Variants in BANK1 observed in about 807,000 individuals in gnomAD.
The protein encoded by BANK1 is B-cell scaffold protein with ankyrin repeats.
Under a neutral mutation model 94.5 loss-of-function variants are expected in BANK1, and 95 were observed. That is an observed-to-expected ratio of 1.00 (90% CI 0.85 to 1.19). The LOEUF (loss-of-function observed/expected upper bound fraction) is 1.19, where lower values mean the gene tolerates loss of function less well. BANK1 is among the 50% of genes most tolerant of loss of function. BANK1 has a pLI of 0.00. For synonymous variants in BANK1, 334 were observed against 308.4 expected, an observed-to-expected ratio of 1.08 and a Z score of -0.87; for missense variants, 987 against 932.2, an observed-to-expected ratio of 1.06 and a Z score of -0.77.
chr4:102,037,949 T>C (rs1376373787), intron 10 of BANK1, among the ~76,000 whole-genome samples: 1 of 152,166 alleles, frequency 6.6e-6, no homozygotes, highest in Non-Finnish European at 1.5e-5. Context: ...ACACATCACC[T>C]TGCATGACTT....
chr4:101,967,509 T>C (rs1258135301), intron 7 of BANK1, among the ~76,000 whole-genome samples: 2 of 151,990 alleles, frequency 1.3e-5, no homozygotes, highest in Non-Finnish European at 2.9e-5. Context: ...GTGGAATAGG[T>C]ATTTAGAGAA....
chr4:102,023,251 T>A (rs763862761), intron 8 of BANK1, among the ~76,000 whole-genome samples: 9 of 152,174 alleles, frequency 5.9e-5, no homozygotes, highest in Admixed American at 5.9e-4. Context: ...CTAGCATACT[T>A]TGGCAAAATT....
At chr4:102,060,792 A>G (rs1728393238) in intron 12 of BANK1, among the ~76,000 whole-genome samples, 1 of 152,196 alleles carries the variant, frequency 6.6e-6, no homozygotes, top group Non-Finnish European at 1.5e-5. Context: ...AAAATGCAAT[A>G]AGTATTTATC....
At chr4:101,792,132 G>A (rs983534549) in intron 1 of BANK1, among the ~76,000 whole-genome samples, 1 of 152,126 alleles carries the variant, frequency 6.6e-6, no homozygotes, top group African/African-American at 2.4e-5. Context: ...GGCAGAAAAT[G>A]CCTTTTATTT....
chr4:101,994,001 G>A (rs1020867548), intron 7 of BANK1, among the ~76,000 whole-genome samples: 2 of 152,220 alleles, frequency 1.3e-5, no homozygotes, highest in African/African-American at 2.4e-5. Context: ...GACCCTGTCA[G>A]TACTGCTAAT....
intron 1 of BANK1, among the ~76,000 whole-genome samples, chr4:101,791,846 A>T (rs1161500266): frequency 6.6e-6 from 1 of 152,148 alleles, no homozygotes; most frequent in Non-Finnish European, 1.5e-5. Flanking sequence ...GATTGCTTTC[A>T]GTTAAATAAG....
At chr4:101,816,766 A>T (rs1487034651) in intron 1 of BANK1, among the ~76,000 whole-genome samples, 4 of 152,136 alleles carry the variant, frequency 2.6e-5, no homozygotes, top group African/African-American at 9.7e-5. Flanking sequence ...TCTTACAACC[A>T]AATTATAATT....
chr4:101,885,859 G>C (rs1054834755), intron 5 of BANK1, among the ~76,000 whole-genome samples: 3 of 152,168 alleles, frequency 2.0e-5, no homozygotes, highest in African/African-American at 7.2e-5. Context: ...TACACACCTA[G>C]GCCTAGTATA....
intron 2 of BANK1, among the ~76,000 whole-genome samples, chr4:101,844,301 A>C (rs1404132284): frequency 6.6e-6 from 1 of 152,200 alleles, no homozygotes; most frequent in East Asian, 1.9e-4. Context: ...AATGTTGTAA[A>C]GTAATTAGAG....
chr4:101,820,328 A>G (rs886783567), intron 1 of BANK1, among the ~76,000 whole-genome samples: 3 of 152,094 alleles, frequency 2.0e-5, no homozygotes, highest in Admixed American at 2.0e-4. Context: ...TTTTTTGTGG[A>G]ATTTTCTCCC....
chr4:101,929,156 A>T (rs57567278), intron 7 of BANK1, among the ~76,000 whole-genome samples: 118 of 148,076 alleles, frequency 8.0e-4, no homozygotes, highest in African/African-American at 2.8e-3. Context: ...ATAAAATATC[A>T]CTCTCATCAC....
At chr4:101,938,850 A>G (rs561425134) in intron 7 of BANK1, among the ~76,000 whole-genome samples, 106 of 151,708 alleles carry the variant, frequency 7.0e-4, no homozygotes, top group Non-Finnish European at 1.3e-3. Flanking sequence ...TCAGTCCCCA[A>G]AATACTTTAA....
chr4:101,821,999 G>A (rs932020161), intron 1 of BANK1, among the ~76,000 whole-genome samples: 8 of 152,094 alleles, frequency 5.3e-5, no homozygotes, highest in African/African-American at 1.9e-4. Context: ...AATCAGTCTG[G>A]GGGGAATCAT....
intron 8 of BANK1, among the ~76,000 whole-genome samples, chr4:102,022,056 G>A (rs981785395): frequency 3.3e-5 from 5 of 151,668 alleles, no homozygotes; most frequent in South Asian, 2.1e-4. Context: ...GTATATAAAC[G>A]TATATGTGTA....
intron 7 of BANK1, among the ~76,000 whole-genome samples, chr4:102,010,925 TATG>T (rs1726492747): frequency 6.6e-6 from 1 of 152,168 alleles, no homozygotes; most frequent in African/African-American, 2.4e-5. Flanking sequence ...GTTAGTAGAG[TATG>T]ATAAGAAACT....
At chr4:101,810,520 A>G (rs1373384319) in intron 1 of BANK1, among the ~76,000 whole-genome samples, 1 of 152,220 alleles carries the variant, frequency 6.6e-6, no homozygotes, top group Non-Finnish European at 1.5e-5. Flanking sequence ...GAACATATCA[A>G]TGTTACCCTT....
At chr4:101,877,534 G>C (rs928030697) in intron 5 of BANK1, among the ~76,000 whole-genome samples, 1 of 152,122 alleles carries the variant, frequency 6.6e-6, no homozygotes. Context: ...AAAAGCAGGG[G>C]ATGAACTTAA....
intron 14 of BANK1, among the ~76,000 whole-genome samples, chr4:102,071,790 G>A (rs1164213261): frequency 6.6e-6 from 1 of 152,188 alleles, no homozygotes; most frequent in Non-Finnish European, 1.5e-5. Context: ...GTGTGCTGAT[G>A]GGATAGTAAG....
intron 10 of BANK1, among the ~76,000 whole-genome samples, chr4:102,033,731 A>G (rs1158546507): frequency 6.6e-6 from 1 of 152,232 alleles, no homozygotes; most frequent in South Asian, 2.1e-4. Flanking sequence ...TTTGTATTAC[A>G]TGGAGATGAA....
Sources: gnomAD v4.1 joint callset for allele counts (sites outside exome capture counted in the v4.1 genomes callset) on GRCh38, gnomAD v4.1.1 for gene constraint, MANE v1.5 for transcripts, NCBI Gene and HGNC (gene_info 2026-07-23, HGNC 2026-07-21) for gene names.